EPB41: variants seen among roughly 807,000 people sequenced by gnomAD.
EPB41 encodes the protein erythrocyte membrane protein band 4.1, also known as protein 4.1.
Under a neutral mutation model 108.0 loss-of-function variants are expected in EPB41, and 65 were observed. That is an observed-to-expected ratio of 0.60 (90% confidence interval 0.49 to 0.74). The LOEUF (loss-of-function observed/expected upper bound fraction) is 0.74, where lower values mean the gene tolerates loss of function less well. Ranked by LOEUF, EPB41 falls within the 30% of genes least tolerant of loss-of-function variation. The pLI is 0.00. For synonymous variants in EPB41, 336 were observed against 358.9 expected, an observed-to-expected ratio of 0.94 and a Z score of 0.72; for missense variants, 875 against 1,037.0, an observed-to-expected ratio of 0.84 and a Z score of 2.15.
intron 16 of EPB41, among the ~76,000 whole-genome samples, chr1:29,068,441 T>C (rs1276286235): frequency 6.6e-6 from 1 of 152,214 alleles, no homozygotes; most frequent in African/African-American, 2.4e-5. Context: ...GGAATGGTGA[T>C]GTCATTCTGT....
intron 1 of EPB41, among the ~76,000 whole-genome samples, chr1:28,935,306 G>T (rs559232926): frequency 6.6e-6 from 1 of 151,496 alleles, no homozygotes; most frequent in Admixed American, 6.6e-5. Flanking sequence ...GCTGTGGTGC[G>T]CATGCCTGTA....
At chr1:28,957,963 TTTTAA>T (rs760353101) in intron 1 of EPB41, among the ~76,000 whole-genome samples, 1 of 152,066 alleles carries the variant, frequency 6.6e-6, no homozygotes, top group Non-Finnish European at 1.5e-5. Flanking sequence ...ATGTGTTACT[TTTTAA>T]TTTAATTTAA....
intron 16 of EPB41, among the ~76,000 whole-genome samples, chr1:29,074,822 TATAG>T (rs1268961689): frequency 2.0e-5 from 3 of 152,212 alleles, no homozygotes. Context: ...TAACTAAATG[TATAG>T]ATAACATTGT....
At chr1:29,037,491 T>C (rs1475322329) in intron 10 of EPB41, among the ~76,000 whole-genome samples, 1 of 152,160 alleles carries the variant, frequency 6.6e-6, no homozygotes, top group Non-Finnish European at 1.5e-5. Flanking sequence ...AGTTCTAGTC[T>C]CTCTCCTGGT....
intron 1 of EPB41, among the ~76,000 whole-genome samples, chr1:28,897,038 C>T (rs1193964645): frequency 6.6e-6 from 1 of 152,156 alleles, no homozygotes; most frequent in Non-Finnish European, 1.5e-5. Flanking sequence ...CCTTTCCCCT[C>T]AGTTTCCCAG....
At chr1:29,004,053 C>T (rs536323932) in intron 4 of EPB41, among the ~76,000 whole-genome samples, 24 of 152,328 alleles carry the variant, frequency 1.6e-4, no homozygotes, top group Middle Eastern at 3.4e-3. Context: ...TGAGCCACTG[C>T]GCCCAGCCCA....
chr1:28,927,122 G>T (rs1285923794), intron 1 of EPB41, among the ~76,000 whole-genome samples: 12 of 152,192 alleles, frequency 7.9e-5, no homozygotes, highest in African/African-American at 2.7e-4. Flanking sequence ...TTGGGAGGGT[G>T]TTTTTGAAAG....
chr1:28,932,147 GA>G (rs1273993081), intron 1 of EPB41, among the ~76,000 whole-genome samples: 48 of 151,712 alleles, frequency 3.2e-4, no homozygotes, highest in African/African-American at 1.1e-3. Flanking sequence ...TTTTGAAATG[GA>G]GTCTTGCTCT....
intron 17 of EPB41, among the ~76,000 whole-genome samples, chr1:29,106,960 G>C (rs1317374488): frequency 1.3e-5 from 2 of 151,620 alleles, no homozygotes; most frequent in Non-Finnish European, 2.9e-5. Flanking sequence ...GAGGAGGGTG[G>C]ATCACCTGAG....
At chr1:29,045,520 ATTT>A (rs757532981) in intron 11 of EPB41, among the ~76,000 whole-genome samples, 5 of 137,194 alleles carry the variant, frequency 3.6e-5, no homozygotes, top group Admixed American at 7.4e-5. Context: ...TGCCCAGCTA[ATTT>A]TTTTTTTTTT....
chr1:29,087,876 C>G (rs1659737384), intron 16 of EPB41, among the ~76,000 whole-genome samples: 1 of 152,014 alleles, frequency 6.6e-6, no homozygotes, highest in East Asian at 1.9e-4. Context: ...GAGCCATTGA[C>G]TTTTTAAATG....
chr1:29,096,370 T>A, intron 16 of EPB41: 1 of 985,836 alleles, frequency 1.0e-6, no homozygotes, highest in South Asian at 4.7e-5. Context: ...CTGGCTATCT[T>A]GATATTAAGG....
chr1:28,950,690 G>A (rs1252961008), intron 1 of EPB41, among the ~76,000 whole-genome samples: 1 of 152,176 alleles, frequency 6.6e-6, no homozygotes, highest in Non-Finnish European at 1.5e-5. Context: ...TCAGCCTCTT[G>A]AGTAGCTTGT....
In EPB41 at chr1:29,115,900, A is replaced by G. The variant is rs556935446; in HGVS notation, c.*6+97A>G. 1 of 914,928 alleles carries G rather than the reference A, an allele frequency of 1.1e-6. No individual in the cohort carries two copies. Among genetic ancestry groups the G allele is most frequent in the African/African-American group, 1.6e-5 (1 of 61,298 alleles). 56.7% of individuals were successfully genotyped at this position (914,928 alleles called of 1,614,324 possible). On this transcript the variant is annotated intron_variant, in intron 20 of 20. Coordinates refer to ENST00000343067, the MANE Select transcript of EPB41 (RefSeq NM_001376013.1). The surrounding 1 kb of genome is among the most constrained non-coding windows in gnomAD (Gnocchi z 4.4). ...GGACACACTGGGAGCCCATCCCCACAAAGAGGTGTTCACCCTGGGACTTGA... is the reference window on the plus strand; with the variant it reads ...GGACACACTGGGAGCCCATCCCCACGAAGAGGTGTTCACCCTGGGACTTGA...
chr1:29,073,017 A>G (rs1051933276), intron 16 of EPB41: 5 of 149,704 alleles, frequency 3.3e-5, no homozygotes, highest in African/African-American at 1.2e-4. Flanking sequence ...AGGCTGAGGC[A>G]GGAGAATCGC....
At chr1:28,910,322 C>T (rs2092170214), upstream of EPB41, among the ~76,000 whole-genome samples, 2 of 152,184 alleles carry the variant, frequency 1.3e-5, no homozygotes, top group South Asian at 4.1e-4. Context: ...GTTTACAAGT[C>T]TAAAATAACT....
chr1:29,057,868 CAT>C (rs1645824777), intron 12 of EPB41, among the ~76,000 whole-genome samples: 2 of 152,228 alleles, frequency 1.3e-5, no homozygotes, highest in African/African-American at 4.8e-5. Flanking sequence ...CTACCAAACA[CAT>C]AGGCTCCACC....
intron 2 of EPB41, 26 bp downstream of exon 2, chr1:28,987,931 G>A (rs758468323): frequency 3.7e-6 from 6 of 1,609,046 alleles, no homozygotes; most frequent in African/African-American, 2.7e-5. Context: ...TATGGGAGGT[G>A]GGCAAAGGAA....
At chr1:29,025,612 T>C (rs1286674180) in intron 7 of EPB41, among the ~76,000 whole-genome samples, 1 of 152,092 alleles carries the variant, frequency 6.6e-6, no homozygotes, top group Non-Finnish European at 1.5e-5. Flanking sequence ...TATTAATCTT[T>C]CAAATATATG....
Sources: gnomAD v4.1 joint callset for allele counts (sites outside exome capture counted in the v4.1 genomes callset) on GRCh38, gnomAD v4.1.1 for gene constraint, Gnocchi (gnomAD v3.1) non-coding constraint, MANE v1.5 for transcripts, NCBI Gene and HGNC (gene_info 2026-07-23, HGNC 2026-07-21) for gene names.